Variants in KIF21B observed in about 807,000 individuals in gnomAD.
KIF21B encodes kinesin family member 21B, also known as kinesin-like protein KIF21B.
Under a neutral mutation model 192.9 loss-of-function variants are expected in KIF21B, and 85 were observed. That is an observed-to-expected ratio of 0.44 (90% CI 0.37 to 0.53). The LOEUF is 0.53. Ranked by LOEUF, KIF21B falls within the 20% of genes least tolerant of loss-of-function variation. KIF21B has a pLI of 0.00. For missense variants in KIF21B, 1,716 were observed against 2,194.8 expected (o/e 0.78, Z 4.36); for synonymous variants, 832 against 884.6 (o/e 0.94, Z 1.05).
At chr1:200,992,515 G>GACCCCCA in intron 15 of KIF21B, 126 bp from the exon 16 acceptor site, 2 of 940,848 alleles carry the variant, frequency 2.1e-6, no homozygotes, top group South Asian at 1.4e-5. Flanking sequence ...CACTGGCTCA[G>GACCCCCA]GGCCTGGGGG....
rs1287205266 is a variant in KIF21B, at chr1:201,017,029, C to T, written c.41+6314G>A. On this transcript the variant is annotated intron_variant, in intron 1 of 34. Coordinates refer to ENST00000461742, the MANE Select transcript of KIF21B (RefSeq NM_001252102.2). This position sits in a 1 kb window ranked among gnomAD's most constrained non-coding sequence, Gnocchi z 4.1. ...GGATGCTTGGGGTTCAGGACTCTGACCCCACCCCCTCCTCTTGAGTGTCCT... is the reference window on the plus strand; with the variant it reads ...GGATGCTTGGGGTTCAGGACTCTGATCCCACCCCCTCCTCTTGAGTGTCCT... Among the ~76,000 whole-genome samples, 2 of 152,090 alleles carry T rather than the reference C, an allele frequency of 1.3e-5. No homozygotes were observed. The highest frequency in any genetic ancestry group is 3.9e-4 in the East Asian group (2 of 5,188).
At chr1:200,991,580 G>T in intron 17 of KIF21B, 77 bp downstream of exon 17, 1 of 1,437,846 alleles carries the variant, frequency 7.0e-7, no homozygotes, top group Non-Finnish European at 9.7e-7. Context: ...GCCCAAAAGA[G>T]AAGGCAAGCA....
At chr1:200,994,108 T>A (rs749315327) in intron 15 of KIF21B, among the ~76,000 whole-genome samples, 14 of 152,258 alleles carry the variant, frequency 9.2e-5, no homozygotes, top group Non-Finnish European at 1.8e-4. Context: ...CAAAGACTCA[T>A]CCACCCGACT....
At position 201,000,022 on chromosome 1, in the gene KIF21B, G is replaced by A; in HGVS notation, c.1686-58C>T. ...AAGGCTGCCCCTGCCCTGAGCACAT[G>A]GGCAGGACGGCGGCAGCGGCAGAAA... On this transcript the variant is annotated intron_variant, in intron 11 of 34. Coordinates refer to ENST00000461742, the MANE Select transcript of KIF21B (RefSeq NM_001252102.2). The surrounding 1 kb of genome is among the most constrained non-coding windows in gnomAD (Gnocchi z 6.0). 3.4e-6 allele frequency: 5 copies of A among 1,485,188 alleles called. No individual in the cohort carries two copies. The highest frequency in any genetic ancestry group is 1.4e-5 in the African/African-American group (1 of 72,344). The allele number at this position is 1,485,188 out of a possible 1,614,324, so 92.0% of individuals were successfully genotyped here.
intron 9 of KIF21B, 44 bp downstream of exon 9, chr1:201,002,117 T>C: frequency 2.5e-6 from 4 of 1,582,272 alleles, no homozygotes; most frequent in African/African-American, 1.3e-5. Flanking sequence ...GAGGGAGTCC[T>C]AGCCCGTTGG....
intron 34 of KIF21B, chr1:200,974,271 T>G: frequency 6.8e-7 from 1 of 1,467,806 alleles, no homozygotes; most frequent in Non-Finnish European, 9.1e-7. Context: ...AGGGACAAAG[T>G]CGGAACAAGA....
chr1:200,987,060 G>A lies in KIF21B; in HGVS notation c.3550C>T (p.Arg1184Ter), dbSNP rs769034251. Residue 1184 changes from arginine to a stop codon, truncating the protein, a stop_gained, in exon 25 of 35, where the codon CGA (arginine) becomes TGA (stop). Coordinates refer to ENST00000461742, the MANE Select transcript of KIF21B (RefSeq NM_001252102.2). LOFTEE classifies it high-confidence loss of function. ...ACCCTGTCCCGGTAATAGGGGTCTC[G>A]GACAGAGAAGCCCACTCCGTCCTCT... The part of the protein sequence containing the change: ...IKEDGVGFSV[R>*]DPYYRDRVSR... 2 of 1,613,920 alleles carry A rather than the reference G, an allele frequency of 1.2e-6. No homozygotes were observed. The highest frequency in any genetic ancestry group is 1.7e-6 in the Non-Finnish European group (2 of 1,180,018).
intron 1 of KIF21B, among the ~76,000 whole-genome samples, chr1:201,015,325 GAAGAACC>G (rs1658441900): frequency 6.6e-6 from 1 of 152,206 alleles, no homozygotes; most frequent in Non-Finnish European, 1.5e-5. Context: ...AAGGCTTTGA[GAAGAACC>G]AGACAGCTGG....
At chr1:200,994,204 G>A (rs1656899470) in intron 15 of KIF21B, among the ~76,000 whole-genome samples, 1 of 152,236 alleles carries the variant, frequency 6.6e-6, no homozygotes, top group South Asian at 2.1e-4. Flanking sequence ...CATGACAAGC[G>A]GAAACATGCC....
Position 201,000,069 on chromosome 1 carries a change from CG to C in KIF21B, c.1686-106del. 9.8e-7 allele frequency: 1 copy of C among 1,023,584 alleles called. No individual in the cohort carries two copies. The allele number at this position is 1,023,584 out of a possible 1,614,324, so 63.4% of individuals were successfully genotyped here. A position where few individuals can be genotyped will look rare whatever the true frequency, so the allele number is the denominator to read the frequency against. ...GAAAAGGAAGGCTCTCACCAGAGGC[CG>C]GGGAGAGCACTGGCTCCTACTCTGC... On this transcript the variant is annotated intron_variant, in intron 11 of 34. Coordinates refer to ENST00000461742, the MANE Select transcript of KIF21B (RefSeq NM_001252102.2). The surrounding 1 kb of genome is among the most constrained non-coding windows in gnomAD (Gnocchi z 6.0).
chr1:200,975,654 C>T lies in KIF21B; in HGVS notation c.4459G>A (p.Glu1487Lys), dbSNP rs1477823118. The T allele has an allele frequency of 1.2e-6, 2 of 1,610,282 alleles. No homozygotes were observed. Among genetic ancestry groups the T allele is most frequent in the South Asian group, 1.1e-5 (1 of 90,740 alleles). The change falls in exon 33 of 35, where the codon GAG becomes AAG. Residue 1487 changes from glutamate (E) to lysine (K), a missense_variant. Glu to Lys is a moderately conservative substitution (Grantham distance 56). Around this residue, in one of 3 missense-constraint regions of KIF21B, gnomAD observed 580 missense variants for 775.5 expected, o/e 0.75. Coordinates refer to ENST00000461742, the MANE Select transcript of KIF21B (RefSeq NM_001252102.2). The surrounding 1 kb of genome is among the most constrained non-coding windows in gnomAD (Gnocchi z 4.3). ...GGGCCGATGGTGCCCGTCACACACT[C>T]GCCCAGCTCGAACATCTGTGGGAGG... Reference protein sequence around the residue: ...DHYVKMFELGECVTGTIGPTH... With the variant: ...DHYVKMFELGKCVTGTIGPTH...
At chr1:200,993,342 C>T (rs528280239) in intron 15 of KIF21B, among the ~76,000 whole-genome samples, 1 of 152,206 alleles carries the variant, frequency 6.6e-6, no homozygotes, top group Non-Finnish European at 1.5e-5. Context: ...CAAGTTCCTT[C>T]CCCTCTCCAG....
In KIF21B at chr1:201,005,582, G is replaced by A. The variant is rs1295545154; in HGVS notation, c.560C>T (p.Thr187Ile). The change falls in exon 4 of 35, where the codon ACT becomes ATT. Residue 187 changes from threonine (T) to isoleucine (I), a missense_variant. Thr to Ile is a moderately conservative substitution (Grantham distance 89, BLOSUM62 -1). Transcript: ENST00000461742. ...HEDANGGIYT[T>I]GVTSRLIHSQ... ...GTGGATGAGGCGAGAAGTGACGCCA[G>A]TGGTGTAGATGCCACCGTTTGCGTC... 6.2e-7 allele frequency: 1 copy of A among 1,614,220 alleles called. No individual in the cohort carries two copies. The highest frequency in any genetic ancestry group is 1.1e-5 in the South Asian group (1 of 91,090).
At chr1:201,021,335 G>A (rs1658810677) in intron 1 of KIF21B, among the ~76,000 whole-genome samples, 1 of 152,252 alleles carries the variant, frequency 6.6e-6, no homozygotes, top group African/African-American at 2.4e-5. Flanking sequence ...TCATGCTGGG[G>A]TGGGAGGGGA....
rs111699650 is a variant in KIF21B, at chr1:200,990,432, C to T, written c.2836-100G>A. 1.5e-5 allele frequency: 21 copies of T among 1,443,062 alleles called. No individual in the cohort carries two copies. Among genetic ancestry groups the T allele is most frequent in the Non-Finnish European group, 1.9e-5 (20 of 1,060,510 alleles). 89.4% of individuals were successfully genotyped at this position (1,443,062 alleles called of 1,614,324 possible). A position where few individuals can be genotyped will look rare whatever the true frequency, so the allele number is the denominator to read the frequency against. ...TCCACCACAGGCTGGCCTGTGAGGT[C>T]CCCCCAGCACCTCTGGATTCCAGAG... On this transcript the variant is annotated intron_variant, in intron 19 of 34. Transcript: ENST00000461742. The surrounding 1 kb of genome is among the most constrained non-coding windows in gnomAD (Gnocchi z 5.4).
Position 200,999,356 on chromosome 1 carries a change from C to T in KIF21B, c.1878G>A (p.Glu626=), listed in dbSNP as rs139913820. 2.2e-4 allele frequency: 358 copies of T among 1,614,054 alleles called. No homozygotes were observed. Among genetic ancestry groups the T allele is most frequent in the Non-Finnish European group, 2.9e-4 (347 of 1,180,030 alleles). The change falls in exon 13 of 35, where the codon GAG becomes GAA. Residue 626 remains glutamate (E), a synonymous_variant. Coordinates refer to ENST00000461742, the MANE Select transcript of KIF21B (RefSeq NM_001252102.2). The surrounding 1 kb of genome is among the most constrained non-coding windows in gnomAD (Gnocchi z 4.7). ...ESLVDSDSDP[E]EKEVNFQADL... is the part of the protein sequence containing the mutation. ...CAGCTCAGGCCCACGCACCCTTCTC[C>T]TCGGGGTCTGAGTCTGAGTCCACCA... is the stretch of plus-strand genomic sequence containing the variant.
chr1:200,998,707 A>G lies in KIF21B; in HGVS notation c.1886-132T>C, dbSNP rs1372472061. 2 of 715,802 alleles carry G rather than the reference A, an allele frequency of 2.8e-6. No homozygotes were observed. The highest frequency in any genetic ancestry group is 4.6e-6 in the Non-Finnish European group (2 of 431,038). 44.3% of individuals were successfully genotyped at this position (715,802 alleles called of 1,614,324 possible). On this transcript the variant is annotated intron_variant, in intron 13 of 34. Coordinates refer to ENST00000461742, the MANE Select transcript of KIF21B (RefSeq NM_001252102.2). This position sits in a 1 kb window ranked among gnomAD's most constrained non-coding sequence, Gnocchi z 4.3. ...CAATCAGTGACCAGAGACTGGGCAA[A>G]ATGATAAATCCTAATGCAGGTAGAA...
Position 201,003,660 on chromosome 1 carries a change from T to C in KIF21B, c.1138A>G (p.Lys380Glu). ...AGTGCACTGATTTGCTGGCTGGTCT[T>C]GTCCTGGTTCACTACCACCTTGTTC... is the stretch of plus-strand genomic sequence containing the variant. Reference protein sequence around the residue: ...IKNKVVVNQDKTSQQISALRA... With the variant: ...IKNKVVVNQDETSQQISALRA... The change falls in exon 8 of 35, where the codon AAG (lysine) becomes GAG (glutamate). Residue 380 changes from lysine (K) to glutamate (E), a missense_variant. Transcript: ENST00000461742. 6.2e-7 allele frequency: 1 copy of C among 1,614,244 alleles called. No individual in the cohort carries two copies. Among genetic ancestry groups the C allele is most frequent in the Non-Finnish European group, 8.5e-7 (1 of 1,180,042 alleles).
chr1:201,005,171 A>G (rs1329286857), intron 5 of KIF21B, 137 bp downstream of exon 5: 2 of 1,298,364 alleles, frequency 1.5e-6, no homozygotes, highest in African/African-American at 3.0e-5. Flanking sequence ...AAGGCTCAAG[A>G]AAAATATAAA....
Sources: allele counts gnomAD v4.1 joint callset (sites outside exome capture counted in the v4.1 genomes callset), GRCh38; gene constraint gnomAD v4.1.1; regional missense constraint gnomAD v4.1.1; non-coding constraint Gnocchi (gnomAD v3.1); transcripts MANE v1.5; gene names NCBI Gene and HGNC (gene_info 2026-07-23, HGNC 2026-07-21).